ARAP1: variants seen among roughly 807,000 people sequenced by gnomAD.
ARAP1 encodes ArfGAP with RhoGAP domain, ankyrin repeat and PH domain 1.
A neutral mutation model predicts 172.2 loss-of-function variants in ARAP1; 76 were observed. That is an observed-to-expected ratio of 0.44 (90% confidence interval 0.37 to 0.53). The LOEUF (loss-of-function observed/expected upper bound fraction) is 0.53. ARAP1 is among the 20% of genes least tolerant of loss of function. ARAP1 has a pLI of 0.00. For synonymous variants in ARAP1, 804 were observed against 803.3 expected, an observed-to-expected ratio of 1.00 and a Z score of -0.01; for missense variants, 1,686 against 1,977.5, an observed-to-expected ratio of 0.85 and a Z score of 2.80.
chr11:72,740,917 A>G (rs1283184292), intron 1 of ARAP1, among the ~76,000 whole-genome samples: 2 of 152,152 alleles, frequency 1.3e-5, no homozygotes, highest in Non-Finnish European at 2.9e-5. Context: ...CCTCATGTCC[A>G]AGCCCCAACC....
intron 7 of ARAP1, among the ~76,000 whole-genome samples, chr11:72,711,812 C>T (rs542433893): frequency 1.3e-5 from 2 of 151,922 alleles, no homozygotes; most frequent in East Asian, 1.9e-4. Context: ...TCTCCCACCT[C>T]AGTCTCCCAA....
Position 72,699,664 on chromosome 11 carries a change from C to T in ARAP1, c.2303-112G>A, listed in dbSNP as rs945861097. 16 of 1,410,578 alleles carry T rather than the reference C, an allele frequency of 1.1e-5. No individual in the cohort carries two copies. In the Admixed American group the frequency reaches 3.6e-4, roughly 32 times the overall value. The allele number at this position is 1,410,578 out of a possible 1,614,324, so 87.4% of individuals were successfully genotyped here. The stretch of plus-strand genomic sequence containing the variant: ...ATCTGACCCATGAGCTCTTCATTCT[C>T]TCAAGTTTTCCCTAAATCCATCCAC... On this transcript the variant is annotated intron_variant, in intron 16 of 34. Coordinates refer to ENST00000393609, the MANE Select transcript of ARAP1 (RefSeq NM_001040118.3). The surrounding 1 kb of genome is among the most constrained non-coding windows in gnomAD (Gnocchi z 4.2).
chr11:72,707,232 G>A lies in ARAP1; in HGVS notation c.1666C>T (p.Pro556Ser). 6.2e-7 allele frequency: 1 copy of A among 1,608,082 alleles called. No individual in the cohort carries two copies. The highest frequency in any genetic ancestry group is 1.1e-5 in the South Asian group (1 of 89,924). ...PNRFCADCGA[P>S]QPDWASINLC... The stretch of plus-strand genomic sequence containing the variant: ...TTGATGGAGGCCCAGTCAGGCTGAG[G>A]AGCCCCGCAGTCAGCACAGAACCTG... The change falls in exon 12 of 35, where the codon CCT becomes TCT. Residue 556 changes from proline to serine, a missense_variant. Around this residue, in one of 5 missense-constraint regions of ARAP1, gnomAD observed 688 missense variants for 856.9 expected, o/e 0.80. Transcript: ENST00000393609.
intron 3 of ARAP1, among the ~76,000 whole-genome samples, chr11:72,721,337 C>T (rs1256098237): frequency 6.6e-6 from 1 of 152,212 alleles, no homozygotes; most frequent in East Asian, 1.9e-4. Context: ...GTAAGCAGCA[C>T]ACCATCTCCC....
In ARAP1 at chr11:72,697,074, A is replaced by T; in HGVS notation, c.3075T>A (p.Asp1025Glu). 2 of 1,610,184 alleles carry T rather than the reference A, an allele frequency of 1.2e-6. No individual in the cohort carries two copies. Among genetic ancestry groups the T allele is most frequent in the Admixed American group, 1.7e-5 (1 of 60,028 alleles). The change falls in exon 22 of 35, where the codon GAT (aspartate) becomes GAA (glutamate). Residue 1025 changes from aspartate (D) to glutamate (E), a missense_variant. Physicochemically the swap from Asp to Glu is conservative, Grantham distance 45. This residue lies in a region of ARAP1 where 274 missense variants were observed against 262.7 expected (regional missense o/e 1.04). Coordinates refer to ENST00000393609, the MANE Select transcript of ARAP1 (RefSeq NM_001040118.3). ...VHLKEGEQHV[D>E]DVSSALKRFL... is the part of the protein sequence containing the mutation. The stretch of plus-strand genomic sequence containing the variant: ...AGCGCTTGAGCGCCGAGGAAACATC[A>T]TCCACGTGCTGCTCGCCCTCCTTGA...
In ARAP1 at chr11:72,726,669, T is replaced by G; in HGVS notation, c.460A>C (p.Ser154Arg). The G allele has an allele frequency of 6.5e-7, 1 of 1,544,294 alleles. No individual in the cohort carries two copies. The highest frequency in any genetic ancestry group is 8.7e-7 in the Non-Finnish European group (1 of 1,143,564). The part of the protein sequence containing the change: ...LPAKRHLAEL[S>R]VPPVPPRTGP... ...GTGCGGGGCGGCACGGGTGGAACGC[T>G]CAGCTCTGCCAAATGCCGCTTAGCA... Residue 154 changes from serine to arginine, a missense_variant, in exon 3 of 35, where the codon AGC (serine) becomes CGC (arginine). Ser to Arg is a moderately radical substitution (Grantham distance 110). Transcript: ENST00000393609. The surrounding 1 kb of genome is among the most constrained non-coding windows in gnomAD (Gnocchi z 6.5).
chr11:72,727,224 C>A, intron 2 of ARAP1, 52 bp from the exon 3 acceptor site: 1 of 1,409,876 alleles, frequency 7.1e-7, no homozygotes, highest in South Asian at 1.4e-5. Context: ...GAGGATTGGT[C>A]CCCTCACCAG....
At chr11:72,732,982 CA>C (rs899464963) in intron 1 of ARAP1, among the ~76,000 whole-genome samples, 1 of 149,090 alleles carries the variant, frequency 6.7e-6, no homozygotes, top group Non-Finnish European at 1.5e-5. Context: ...GACCCTGTCT[CA>C]AAAAAAAGAA....
chr11:72,743,263 G>A (rs1858255059), intron 1 of ARAP1, among the ~76,000 whole-genome samples: 1 of 152,212 alleles, frequency 6.6e-6, no homozygotes. Flanking sequence ...ATGTATGAAT[G>A]GAAATCTACA....
intron 11 of ARAP1, among the ~76,000 whole-genome samples, chr11:72,709,168 A>G (rs1469820539): frequency 6.6e-6 from 1 of 152,190 alleles, no homozygotes; most frequent in Non-Finnish European, 1.5e-5. Context: ...TGCAGGCCAG[A>G]GCTCAGCAGA....
chr11:72,693,490 T>G lies in ARAP1; in HGVS notation c.3809-20A>C. 6.2e-7 allele frequency: 1 copy of G among 1,608,468 alleles called. No homozygotes were observed. ...GGCTGGCTGGGGGGTGGGACTGGAG[T>G]GGGCACAGGCTGCACCAACCCCTAC... On this transcript the variant is annotated intron_variant, in intron 28 of 34. Coordinates refer to ENST00000393609, the MANE Select transcript of ARAP1 (RefSeq NM_001040118.3). This position sits in a 1 kb window ranked among gnomAD's most constrained non-coding sequence, Gnocchi z 4.6.
At position 72,714,214 on chromosome 11, in the gene ARAP1, G is replaced by C. The variant is rs267603180; in HGVS notation, c.617C>G (p.Pro206Arg). The C allele has an allele frequency of 6.6e-7, 1 of 1,518,744 alleles. No homozygotes were observed. The highest frequency in any genetic ancestry group is 8.8e-7 in the Non-Finnish European group (1 of 1,137,654). The allele number at this position is 1,518,744 out of a possible 1,614,324, so 94.1% of individuals were successfully genotyped here. ...STLPQGPPQPPSPPPCPPEIP... is the reference protein window; with the variant it reads ...STLPQGPPQPRSPPPCPPEIP... ...CTCCGGGGGGCAGGGAGGTGGAGAG[G>C]GAGGCTGGGGAGGCCCCTGGGGGAG... Residue 206 changes from proline (P) to arginine (R), a missense_variant, in exon 4 of 35, where the codon CCC becomes CGC. Transcript: ENST00000393609.
intron 3 of ARAP1, among the ~76,000 whole-genome samples, chr11:72,723,934 A>G (rs61894164): frequency 0.014 from 2,065 of 152,302 alleles, 33 homozygotes; most frequent in Non-Finnish European, 0.02. Context: ...CAGTGCACAA[A>G]TAACACAAAT....
chr11:72,704,098 G>A, intron 14 of ARAP1, 54 bp downstream of exon 14: 6 of 1,606,270 alleles, frequency 3.7e-6, no homozygotes, highest in Non-Finnish European at 5.1e-6. Context: ...GAGGAACAGG[G>A]CAGCAGAAAG....
chr11:72,699,948 C>T lies in ARAP1; in HGVS notation c.2303-396G>A, dbSNP rs966027833. On this transcript the variant is annotated intron_variant, in intron 16 of 34. Transcript: ENST00000393609. The surrounding 1 kb of genome is among the most constrained non-coding windows in gnomAD (Gnocchi z 4.2). ...GACACACACATCCCTACCCAGCACTCCCAGCTTTTGCAAACCTTGTCCCCT... is the reference window on the plus strand; with the variant it reads ...GACACACACATCCCTACCCAGCACTTCCAGCTTTTGCAAACCTTGTCCCCT... 11 of 212,716 alleles carry T rather than the reference C, an allele frequency of 5.2e-5. No homozygotes were observed. The highest frequency in any genetic ancestry group is 1.1e-4 in the Admixed American group (2 of 18,702). The allele number at this position is 212,716 out of a possible 1,614,324, so 13.2% of individuals were successfully genotyped here.
At chr11:72,746,250 C>G (rs182605423) in intron 1 of ARAP1, among the ~76,000 whole-genome samples, 93 of 152,272 alleles carry the variant, frequency 6.1e-4, no homozygotes, top group Non-Finnish European at 6.8e-4. Flanking sequence ...GCCAAGATAA[C>G]TGAGTGCCCC....
chr11:72,727,967 A>G (rs1281609289), intron 2 of ARAP1, among the ~76,000 whole-genome samples: 1 of 152,232 alleles, frequency 6.6e-6, no homozygotes, highest in East Asian at 1.9e-4. Context: ...AAGTCATCTG[A>G]TTATCTCCAC....
In ARAP1 at chr11:72,687,519, G is replaced by A. The variant is rs367690655; in HGVS notation, c.4122-17C>T. ...CAGAGGTACCTGCAGGGTTGGACGC[G>A]GACCCACATGATGCCAAAGGCCTGA... On this transcript the variant is annotated splice_polypyrimidine_tract_variant and intron_variant, in intron 32 of 34. Transcript: ENST00000393609. 1.5e-5 allele frequency: 24 copies of A among 1,613,976 alleles called. No individual in the cohort carries two copies. The highest frequency in any genetic ancestry group is 2.7e-5 in the African/African-American group (2 of 74,880).
chr11:72,708,437 C>T (rs1454928365), intron 11 of ARAP1: 2 of 153,492 alleles, frequency 1.3e-5, no homozygotes, highest in Non-Finnish European at 2.9e-5. Context: ...CAGGAACGGA[C>T]AGGCCTCTCA....
Sources: gnomAD v4.1 joint callset for allele counts (sites outside exome capture counted in the v4.1 genomes callset) on GRCh38, gnomAD v4.1.1 for gene constraint, gnomAD v4.1.1 regional missense constraint, Gnocchi (gnomAD v3.1) non-coding constraint, MANE v1.5 for transcripts, NCBI Gene and HGNC (gene_info 2026-07-23, HGNC 2026-07-21) for gene names.